SCN1A: variants seen among roughly 807,000 people sequenced by gnomAD.
SCN1A encodes the protein sodium channel protein type 1 subunit alpha.
SCN1A carries 13 observed loss-of-function variants against 193.7 expected under a neutral mutation model. The observed-to-expected ratio is 0.07, with a 90% CI of 0.04 to 0.11. The LOEUF (loss-of-function observed/expected upper bound fraction) is 0.11, where lower values mean the gene tolerates loss of function less well. Among genes scored for constraint, SCN1A ranks in the 10% least tolerant of loss-of-function variants. The pLI, the probability that SCN1A is intolerant of heterozygous loss-of-function variation, is 1.00. For missense variants in SCN1A, 1,432 were observed against 2,451.1 expected (o/e 0.58, Z 8.78); for synonymous variants, 781 against 843.6 (o/e 0.93, Z 1.29).
chr2:166,064,745 T>A (rs1229891964), intron 4 of SCN1A, among the ~76,000 whole-genome samples: 1 of 152,186 alleles, frequency 6.6e-6, no homozygotes, highest in Non-Finnish European at 1.5e-5. Context: ...AAACATAAGC[T>A]GTAACTTTGT....
chr2:166,076,483 G>A (rs190028877), intron 3 of SCN1A, among the ~76,000 whole-genome samples: 1 of 151,722 alleles, frequency 6.6e-6, no homozygotes, highest in African/African-American at 2.4e-5. Flanking sequence ...TGAACTAAAG[G>A]TTTAATTTAA....
chr2:166,033,490 T>C (rs964417093), intron 19 of SCN1A, among the ~76,000 whole-genome samples: 1 of 151,824 alleles, frequency 6.6e-6, no homozygotes, highest in Admixed American at 6.6e-5. Context: ...GGTGGGCGGA[T>C]CACTATTTCA....
intron 11 of SCN1A, 85 bp from the exon 12 acceptor site, chr2:166,047,061 A>G: frequency 7.0e-7 from 1 of 1,438,298 alleles, no homozygotes; most frequent in Non-Finnish European, 9.7e-7. Flanking sequence ...TGTGTCTAGC[A>G]AAACTCAGAT....
chr2:166,096,428 C>T (rs1312478023), intron 2 of SCN1A, among the ~76,000 whole-genome samples: 1 of 151,950 alleles, frequency 6.6e-6, no homozygotes, highest in Admixed American at 6.6e-5. Flanking sequence ...ATTACAGGCA[C>T]CCACCACCAC....
intron 1 of SCN1A, among the ~76,000 whole-genome samples, chr2:166,142,211 G>A (rs564270667): frequency 1.1e-3 from 171 of 152,276 alleles, no homozygotes; most frequent in African/African-American, 3.9e-3. Flanking sequence ...AACTGGAACC[G>A]CATTCCCAAG....
Position 165,991,474 on chromosome 2 carries a change from G to T in SCN1A, c.5801C>A (p.Thr1934Asn). The T allele has an allele frequency of 1.9e-6, 3 of 1,613,870 alleles. No individual in the cohort carries two copies. The highest frequency in any genetic ancestry group is 2.5e-6 in the Non-Finnish European group (3 of 1,179,878). The change falls in exon 29 of 29, where the codon ACT becomes AAT. Residue 1934 changes from threonine to asparagine, a missense_variant. Transcript: ENST00000674923. Reference protein sequence around the residue: ...RAYRRHLLKRTVKQASFTYNK... With the variant: ...RAYRRHLLKRNVKQASFTYNK... The stretch of plus-strand genomic sequence containing the variant: ...GTACGTAAAGGAAGCTTGTTTTACA[G>T]TTCGCTTTAAAAGGTGGCGTCTGTA...
Position 166,123,550 on chromosome 2 carries a change from GTAAC to G in SCN1A, c.-142+3370_-142+3373del, listed in dbSNP as rs1373573853. On this transcript the variant is annotated intron_variant, in intron 2 of 28. Transcript: ENST00000674923. ...AAGCGTAGAACAAGGAGTTTGATCT[GTAAC>G]TGACTGTGAACAATCAACTGAGATA... The G allele has an allele frequency of 8.5e-5, 13 of 152,292 alleles. 1 individual carries two copies. The highest frequency in any genetic ancestry group is 1.9e-4 in the African/African-American group (8 of 41,552). 9.4% of individuals were successfully genotyped at this position (152,292 alleles called of 1,614,324 possible).
At chr2:166,108,235 A>AT (rs886243959) in intron 2 of SCN1A, among the ~76,000 whole-genome samples, 1 of 152,220 alleles carries the variant, frequency 6.6e-6, no homozygotes, top group African/African-American at 2.4e-5. Context: ...GGAAATGCAA[A>AT]TAAAAAACCC....
chr2:166,047,801 C>T (rs1282919793), intron 10 of SCN1A, 33 bp from the exon 11 acceptor site: 4 of 1,612,542 alleles, frequency 2.5e-6, no homozygotes, highest in Non-Finnish European at 3.4e-6. Flanking sequence ...TATTACAAGT[C>T]GTTCTGCTGC....
intron 28 of SCN1A, chr2:165,993,894 A>C: frequency 1.9e-6 from 1 of 536,330 alleles, no homozygotes; most frequent in Admixed American, 3.3e-5. Context: ...AGTTAATAGC[A>C]CAGTTCTAGT....
In SCN1A at chr2:165,994,275, G is replaced by A. The variant is rs121918807; in HGVS notation, c.4723C>T (p.Arg1575Cys). 1.6e-4 allele frequency: 262 copies of A among 1,613,162 alleles called. No individual in the cohort carries two copies. In the East Asian group the frequency reaches 3.6e-3, roughly 22 times the overall value. The change falls in exon 28 of 29, where the codon CGC (arginine) becomes TGC (cysteine). Residue 1575 changes from arginine (R) to cysteine (C), a missense_variant. Physicochemically the swap from Arg to Cys is radical, Grantham distance 180. Transcript: ENST00000674923. ...QSEYVTTILS[R>C]INLVFIVLFT... Reference sequence around the variant, plus strand: ...AGCACAATGAACACCAGATTGATGCGTGACAAAATGGTAGTCACATATTCA... The same window carrying A: ...AGCACAATGAACACCAGATTGATGCATGACAAAATGGTAGTCACATATTCA...
chr2:166,030,340 C>A (rs2105754769), intron 19 of SCN1A, among the ~76,000 whole-genome samples: 1 of 152,074 alleles, frequency 6.6e-6, no homozygotes, highest in East Asian at 1.9e-4. Context: ...CAATATATGC[C>A]CTCCAATAGT....
At chr2:166,042,179 G>A in intron 15 of SCN1A, 113 bp downstream of exon 15, 1 of 1,019,520 alleles carries the variant, frequency 9.8e-7, no homozygotes, top group African/African-American at 1.6e-5. Context: ...TCTTGAATTA[G>A]ACTGTCTTTT....
chr2:166,102,586 T>C (rs112421360), intron 2 of SCN1A, among the ~76,000 whole-genome samples: 4 of 151,450 alleles, frequency 2.6e-5, no homozygotes, highest in African/African-American at 9.7e-5. Flanking sequence ...GGAACACTTA[T>C]ACACTGGTGG....
At chr2:166,047,241 A>G (rs879634239) in intron 11 of SCN1A, among the ~76,000 whole-genome samples, 1 of 152,120 alleles carries the variant, frequency 6.6e-6, no homozygotes, top group Non-Finnish European at 1.5e-5. Flanking sequence ...GGAGTCCTCC[A>G]TTAACGACCT....
At chr2:166,095,906 A>G (rs1265144504) in intron 2 of SCN1A, among the ~76,000 whole-genome samples, 1 of 152,172 alleles carries the variant, frequency 6.6e-6, no homozygotes, top group Non-Finnish European at 1.5e-5. Flanking sequence ...TTTTTCCAGG[A>G]TGTCATAAAA....
chr2:166,122,518 C>T (rs1690711181), intron 2 of SCN1A, among the ~76,000 whole-genome samples: 1 of 152,126 alleles, frequency 6.6e-6, no homozygotes, highest in South Asian at 2.1e-4. Flanking sequence ...CAAAGAATCT[C>T]ACTGACCTTT....
At chr2:166,028,361 A>G (rs1695081076) in intron 19 of SCN1A, among the ~76,000 whole-genome samples, 1 of 150,984 alleles carries the variant, frequency 6.6e-6, no homozygotes, top group Non-Finnish European at 1.5e-5. Context: ...CATTTTGCCA[A>G]ATTGAGCACA....
intron 2 of SCN1A, among the ~76,000 whole-genome samples, chr2:166,117,118 T>C (rs1689956575): frequency 6.6e-6 from 1 of 152,202 alleles, no homozygotes; most frequent in African/African-American, 2.4e-5. Context: ...AAAATGACAG[T>C]CTCCATTTAT....
Sources: allele counts gnomAD v4.1 joint callset (sites outside exome capture counted in the v4.1 genomes callset), GRCh38; gene constraint gnomAD v4.1.1; transcripts MANE v1.5; gene names NCBI Gene and HGNC (gene_info 2026-07-23, HGNC 2026-07-21).